CPA3: variants seen among roughly 807,000 people sequenced by gnomAD.
CPA3 encodes mast cell carboxypeptidase A.
Under a neutral mutation model 55.8 loss-of-function variants are expected in CPA3, and 52 were observed. That is an observed-to-expected ratio of 0.93 (90% CI 0.75 to 1.17). The LOEUF (loss-of-function observed/expected upper bound fraction) is 1.17, where lower values mean the gene tolerates loss of function less well. Ranked by LOEUF, CPA3 falls within the 50% of genes most tolerant of loss-of-function variation. CPA3 has a pLI of 0.00. For synonymous variants in CPA3, 179 were observed against 171.2 expected, an observed-to-expected ratio of 1.05 and a Z score of -0.36; for missense variants, 547 against 509.1, an observed-to-expected ratio of 1.07 and a Z score of -0.72.
chr3:148,881,552 A>G lies in CPA3; in HGVS notation c.607A>G (p.Met203Val), dbSNP rs903884776. The change falls in exon 7 of 11, where the codon ATG becomes GTG. Residue 203 changes from methionine to valine, a missense_variant. By Grantham distance (21) the Met-to-Val change is conservative. Coordinates refer to ENST00000296046, the MANE Select transcript of CPA3 (RefSeq NM_001870.4). ...ATKTYGRNKI[M>V]TKLLDRMNFY... ...CAAAACTTATGGGAGAAACAAAATT[A>G]TGACCAAACTCTTGGACCGAATGAA... 12 of 1,612,758 alleles carry G rather than the reference A, an allele frequency of 7.4e-6. No homozygotes were observed. The highest frequency in any genetic ancestry group is 1.0e-5 in the Non-Finnish European group (12 of 1,179,342).
intron 3 of CPA3, among the ~76,000 whole-genome samples, chr3:148,871,020 T>C (rs1714050603): frequency 6.6e-6 from 1 of 152,180 alleles, no homozygotes; most frequent in South Asian, 2.1e-4. Flanking sequence ...TGCTTCAGCC[T>C]CCCGAGTAGC....
chr3:148,895,815 C>A (rs937074813), intron 10 of CPA3, among the ~76,000 whole-genome samples: 2 of 151,616 alleles, frequency 1.3e-5, no homozygotes, highest in African/African-American at 4.8e-5. Flanking sequence ...ACAAAAAAAA[C>A]CTTTTATATC....
Position 148,896,638 on chromosome 3 carries a change from G to A in CPA3, c.1185G>A (p.Lys395=). Residue 395 remains lysine (K), a synonymous_variant, in exon 11 of 11, where the codon AAG becomes AAA. Coordinates refer to ENST00000296046, the MANE Select transcript of CPA3 (RefSeq NM_001870.4). ...TTCTCCTTCCAGAATCCCGGATAAA[G>A]CCAACGTGCAGAGAGACCATGCTAG... ...FGFLLPESRI[K]PTCRETMLAV... is the part of the protein sequence containing the mutation. 6.3e-7 allele frequency: 1 copy of A among 1,590,928 alleles called. No individual in the cohort carries two copies. The highest frequency in any genetic ancestry group is 8.6e-7 in the Non-Finnish European group (1 of 1,162,596).
At chr3:148,875,992 AAT>A (rs1166055443) in intron 3 of CPA3, among the ~76,000 whole-genome samples, 1 of 152,154 alleles carries the variant, frequency 6.6e-6, no homozygotes, top group East Asian at 1.9e-4. Flanking sequence ...GAAAAAAAGA[AAT>A]AGTTATTAAG....
Position 148,896,889 on chromosome 3 carries a change from C to T in CPA3, c.*182C>T, listed in dbSNP as rs1234303856. 2 of 448,802 alleles carry T rather than the reference C, an allele frequency of 4.5e-6. No individual in the cohort carries two copies. The highest frequency in any genetic ancestry group is 7.8e-5 in the Admixed American group (2 of 25,644). 27.8% of individuals were successfully genotyped at this position (448,802 alleles called of 1,614,324 possible). On this transcript the variant is annotated 3_prime_UTR_variant, in exon 11 of 11. Coordinates refer to ENST00000296046, the MANE Select transcript of CPA3 (RefSeq NM_001870.4). ...TTTCAGTAGCACCATAACGAAGTAGCTTTAAGTGAAACCTTTTAACTACCT... is the reference window on the plus strand; with the variant it reads ...TTTCAGTAGCACCATAACGAAGTAGTTTTAAGTGAAACCTTTTAACTACCT...
At chr3:148,889,982 A>ATTTT (rs927138643) in intron 10 of CPA3, among the ~76,000 whole-genome samples, 1 of 151,318 alleles carries the variant, frequency 6.6e-6, no homozygotes, top group African/African-American at 2.4e-5. Context: ...TCGGCACTCA[A>ATTTT]TTTTTTTTTA....
intron 10 of CPA3, among the ~76,000 whole-genome samples, chr3:148,892,699 T>C (rs57182730): frequency 0.064 from 9,679 of 151,726 alleles, 1,061 homozygotes; most frequent in African/African-American, 0.22. Context: ...CAAAACTGTC[T>C]GGGTGTGGTG....
At chr3:148,883,557 A>C in intron 8 of CPA3, 56 bp from the exon 9 acceptor site, 5 of 1,367,332 alleles carry the variant, frequency 3.7e-6, no homozygotes, top group Non-Finnish European at 5.2e-6. Flanking sequence ...TAGAAGAGGC[A>C]GGAGCTATAT....
intron 10 of CPA3, among the ~76,000 whole-genome samples, chr3:148,886,998 C>A (rs2108037838): frequency 6.6e-6 from 1 of 152,288 alleles, no homozygotes; most frequent in East Asian, 1.9e-4. Flanking sequence ...ACTCTCAGCA[C>A]CATTTCTTAC....
chr3:148,895,672 A>C (rs1232361194), intron 10 of CPA3, among the ~76,000 whole-genome samples: 18 of 152,140 alleles, frequency 1.2e-4, no homozygotes, highest in Non-Finnish European at 1.5e-5. Flanking sequence ...AGCCAACACT[A>C]TCTCTTCATC....
intron 3 of CPA3, among the ~76,000 whole-genome samples, chr3:148,876,973 T>A (rs1267732902): frequency 6.6e-6 from 1 of 152,162 alleles, no homozygotes; most frequent in Non-Finnish European, 1.5e-5. Flanking sequence ...AACTTCCCCA[T>A]CTGTAAAGTG....
intron 5 of CPA3, among the ~76,000 whole-genome samples, chr3:148,879,371 C>T (rs1242067370): frequency 1.3e-5 from 2 of 152,202 alleles, no homozygotes; most frequent in African/African-American, 4.8e-5. Flanking sequence ...CCCTTCCCCA[C>T]TCCAACACAA....
intron 9 of CPA3, among the ~76,000 whole-genome samples, chr3:148,884,372 G>T (rs1177611548): frequency 6.6e-6 from 1 of 152,054 alleles, no homozygotes; most frequent in Non-Finnish European, 1.5e-5. Flanking sequence ...TTGATAATGT[G>T]AGCTTTAAAA....
At chr3:148,881,307 A>T (rs1233053540) in intron 6 of CPA3, among the ~76,000 whole-genome samples, 1 of 152,196 alleles carries the variant, frequency 6.6e-6, no homozygotes, top group East Asian at 1.9e-4. Context: ...TCCTTTAAAG[A>T]CTATTCATTT....
intron 5 of CPA3, among the ~76,000 whole-genome samples, chr3:148,879,512 A>T (rs1714301246): frequency 6.6e-6 from 1 of 152,234 alleles, no homozygotes; most frequent in Non-Finnish European, 1.5e-5. Flanking sequence ...ATAAAATAAA[A>T]ACAATGGACT....
At chr3:148,885,587 T>G (rs944112204) in intron 9 of CPA3, among the ~76,000 whole-genome samples, 1 of 151,780 alleles carries the variant, frequency 6.6e-6, no homozygotes, top group Non-Finnish European at 1.5e-5. Context: ...ATTTTTTGTA[T>G]TTTTAGTAGA....
chr3:148,865,444 C>CTT (rs112769670), intron 1 of CPA3, 29 bp from the exon 2 acceptor site: 27 of 1,255,800 alleles, frequency 2.2e-5, no homozygotes, highest in Admixed American at 1.2e-4. Flanking sequence ...TTACAGTTCA[C>CTT]TTTTTTTTTT....
intron 10 of CPA3, among the ~76,000 whole-genome samples, chr3:148,893,165 A>G (rs1714723281): frequency 6.6e-6 from 1 of 152,166 alleles, no homozygotes; most frequent in African/African-American, 2.4e-5. Context: ...CTTGAATACA[A>G]AAAGATAATC....
Position 148,868,941 on chromosome 3 carries a change from C to T in CPA3, c.171C>T (p.Thr57=), listed in dbSNP as rs1365667064. The T allele has an allele frequency of 3.7e-6, 6 of 1,613,768 alleles. No homozygotes were observed. The Admixed American group carries it at 1.0e-4, about 27-fold the overall frequency. Residue 57 remains threonine, a synonymous_variant, in exon 3 of 11, where the codon ACC becomes ACT. Coordinates refer to ENST00000296046, the MANE Select transcript of CPA3 (RefSeq NM_001870.4). ...TTGACTTCTGGTATCCAGGTGCCAC[C>T]CACCACGTAGCTGCTAATATGATGG... The part of the protein sequence containing the change: ...NELDFWYPGA[T]HHVAANMMVD...
Sources: allele counts gnomAD v4.1 joint callset (sites outside exome capture counted in the v4.1 genomes callset), GRCh38; gene constraint gnomAD v4.1.1; transcripts MANE v1.5; gene names NCBI Gene and HGNC (gene_info 2026-07-23, HGNC 2026-07-21).